NCAM1: variants seen among roughly 807,000 people sequenced by gnomAD.
The protein encoded by NCAM1 is neural cell adhesion molecule 1.
A neutral mutation model predicts 109.8 loss-of-function variants in NCAM1; 14 were observed. That is an observed-to-expected ratio of 0.13 (90% CI 0.08 to 0.20). The LOEUF (loss-of-function observed/expected upper bound fraction) is 0.20. NCAM1 is among the 10% of genes least tolerant of loss of function. The pLI is 1.00. For missense variants in NCAM1, 774 were observed against 1,109.9 expected (o/e 0.70, Z 4.30); for synonymous variants, 418 against 442.9 (o/e 0.94, Z 0.70).
chr11:113,194,395 C>G (rs1284700208), intron 1 of NCAM1, among the ~76,000 whole-genome samples: 6 of 152,114 alleles, frequency 3.9e-5, no homozygotes, highest in South Asian at 2.1e-4. Context: ...GATTTGGGGG[C>G]AGGGGTTAAG....
chr11:113,010,636 C>G (rs540102625), intron 1 of NCAM1, among the ~76,000 whole-genome samples: 45 of 152,170 alleles, frequency 3.0e-4, no homozygotes, highest in Non-Finnish European at 4.9e-4. Flanking sequence ...AAGACCTGCT[C>G]TCTATTTTTC....
chr11:113,185,079 T>TATATAG lies in NCAM1; in HGVS notation c.53-17299_53-17298insTATAGA. Among the ~76,000 whole-genome samples the TATATAG allele has an allele frequency of 4.8e-5, 6 of 125,750 alleles. No individual in the cohort carries two copies. In the South Asian group the frequency reaches 7.1e-4, roughly 15 times the overall value. 82.5% of individuals were successfully genotyped at this position (125,750 alleles called of 152,430 possible). ...GTGTGCATTTATATTTATATATATA[T>TATATAG]AGAGAGAGAGAGAGAGAGAGAGAGA... On this transcript the variant is annotated intron_variant, in intron 1 of 19. Transcript: ENST00000316851.
intron 1 of NCAM1, among the ~76,000 whole-genome samples, chr11:113,022,842 C>T (rs1555076471): frequency 6.6e-6 from 1 of 152,050 alleles, no homozygotes; most frequent in South Asian, 2.1e-4. Flanking sequence ...CTCAACATGG[C>T]TGCTACACTC....
chr11:113,222,499 G>A (rs1259977441), intron 9 of NCAM1, among the ~76,000 whole-genome samples: 1 of 152,228 alleles, frequency 6.6e-6, no homozygotes, highest in Non-Finnish European at 1.5e-5. Context: ...TGGGATGACT[G>A]TTAAGTGCAC....
intron 1 of NCAM1, among the ~76,000 whole-genome samples, chr11:113,071,421 A>ATTTTTTTTTTTTTTTTTTTTTTTTTTT (rs66821824): frequency 1.6e-5 from 2 of 127,672 alleles, no homozygotes; most frequent in South Asian, 2.5e-4. Context: ...TGTTGGTTGG[A>ATTTTTTTTTTTTTTTTTTTTTTTTTTT]TTTTTTTTTT....
At chr11:113,040,677 T>G (rs1555079848) in intron 1 of NCAM1, among the ~76,000 whole-genome samples, 1 of 152,264 alleles carries the variant, frequency 6.6e-6, no homozygotes, top group Non-Finnish European at 1.5e-5. Flanking sequence ...ATTGTGTATT[T>G]AGAAACCATC....
chr11:113,115,913 G>A (rs1406066625), intron 1 of NCAM1, among the ~76,000 whole-genome samples: 12 of 152,186 alleles, frequency 7.9e-5, no homozygotes, highest in Non-Finnish European at 1.3e-4. Context: ...TTTAACTGTA[G>A]AGTTTAGAAT....
intron 1 of NCAM1, among the ~76,000 whole-genome samples, chr11:112,970,618 C>T (rs1052454387): frequency 6.6e-6 from 1 of 152,014 alleles, no homozygotes; most frequent in South Asian, 2.1e-4. Context: ...CTGTAACTTC[C>T]GCAATCGAAT....
At chr11:113,161,907 T>C (rs1347638876) in intron 1 of NCAM1, among the ~76,000 whole-genome samples, 1 of 152,112 alleles carries the variant, frequency 6.6e-6, no homozygotes, top group Admixed American at 6.6e-5. Flanking sequence ...TTTTTGTCCA[T>C]CCCCTGAACT....
At chr11:113,078,232 C>A (rs1427084528) in intron 1 of NCAM1, among the ~76,000 whole-genome samples, 1 of 152,140 alleles carries the variant, frequency 6.6e-6, no homozygotes, top group East Asian at 1.9e-4. Flanking sequence ...GGCTGCACAA[C>A]TCCAGTCTCT....
intron 1 of NCAM1, among the ~76,000 whole-genome samples, chr11:113,183,752 G>A (rs1943401902): frequency 6.9e-6 from 1 of 143,944 alleles, no homozygotes; most frequent in Non-Finnish European, 1.5e-5. Context: ...CCAACCACTT[G>A]GAAAGCAAAT....
At chr11:113,124,912 G>A (rs1360420053) in intron 1 of NCAM1, among the ~76,000 whole-genome samples, 1 of 152,180 alleles carries the variant, frequency 6.6e-6, no homozygotes, top group African/African-American at 2.4e-5. Flanking sequence ...TGTGCAGATT[G>A]CTTGAGGCCG....
At chr11:113,068,249 T>G (rs1420460244) in intron 1 of NCAM1, among the ~76,000 whole-genome samples, 3 of 152,156 alleles carry the variant, frequency 2.0e-5, no homozygotes, top group Non-Finnish European at 4.4e-5. Context: ...GAACATGGGC[T>G]TGTTGATAAG....
intron 1 of NCAM1, among the ~76,000 whole-genome samples, chr11:113,061,775 A>G (rs1031692178): frequency 4.6e-5 from 7 of 152,244 alleles, no homozygotes; most frequent in Non-Finnish European, 1.0e-4. Flanking sequence ...GACAATTAGT[A>G]TTGATCATGA....
rs564124935 is a variant in NCAM1 at position 112,984,379 on chromosome 11, G to A, written c.52+22715G>A. Among the ~76,000 whole-genome samples the A allele has an allele frequency of 1.6e-4, 25 of 152,032 alleles. 2 individuals carry two copies. In the South Asian group the frequency reaches 5.2e-3, roughly 32 times the overall value. On this transcript the variant is annotated intron_variant, in intron 1 of 19. Transcript: ENST00000316851. ...GGAGTGCACATATCTTCATGAGGTG[G>A]TGATTTCATTTCCTTTGGGTACATA...
chr11:113,223,507 C>T (rs1263005542), intron 9 of NCAM1, among the ~76,000 whole-genome samples: 1 of 152,210 alleles, frequency 6.6e-6, no homozygotes, highest in East Asian at 1.9e-4. Context: ...TTCCCTTCAA[C>T]CATTTCTAGA....
chr11:113,188,740 C>T (rs888797811), intron 1 of NCAM1, among the ~76,000 whole-genome samples: 3 of 152,166 alleles, frequency 2.0e-5, no homozygotes, highest in African/African-American at 7.2e-5. Context: ...TGACTTGACA[C>T]AAACCAGTGA....
chr11:113,008,940 G>A (rs1434980665), intron 1 of NCAM1, among the ~76,000 whole-genome samples: 2 of 152,182 alleles, frequency 1.3e-5, no homozygotes, highest in Non-Finnish European at 2.9e-5. Context: ...GAAGACCAAG[G>A]AAAGGTCAAC....
chr11:113,002,611 G>A lies in NCAM1; in HGVS notation c.52+40947G>A, dbSNP rs1358327175. 3.9e-5 allele frequency among the ~76,000 whole-genome samples: 6 copies of A among 152,268 alleles called. No homozygotes were observed. The East Asian group carries it at 1.2e-3, about 29-fold the overall frequency. On this transcript the variant is annotated intron_variant, in intron 1 of 19. Transcript: ENST00000316851. ...GCATATTTGAAGGGGCTTCCATCAA[G>A]TCCTTTCTGCCTATGTTCCTCTGCA... is the stretch of plus-strand genomic sequence containing the variant.
Sources: gnomAD v4.1 joint callset for allele counts (sites outside exome capture counted in the v4.1 genomes callset) on GRCh38, gnomAD v4.1.1 for gene constraint, MANE v1.5 for transcripts, NCBI Gene and HGNC (gene_info 2026-07-23, HGNC 2026-07-21) for gene names.